FRMD4A: variants seen among roughly 807,000 people sequenced by gnomAD.
FRMD4A encodes FERM domain containing 4A, also known as FERM domain-containing protein 4A.
FRMD4A carries 29 observed loss-of-function variants against 129.1 expected under a neutral mutation model. The ratio of observed to expected loss-of-function variants is 0.22; its 90% confidence interval spans 0.17 to 0.31. The LOEUF (loss-of-function observed/expected upper bound fraction) is 0.31. Among genes scored for constraint, FRMD4A ranks in the 10% least tolerant of loss-of-function variants. The probability of loss-of-function intolerance (pLI) is 1.00; values close to 1 mark genes in which losing one functional copy is unlikely to be tolerated. For missense variants in FRMD4A, 1,272 were observed against 1,375.8 expected, an observed-to-expected ratio of 0.92 and a Z score of 1.19; for synonymous variants, 634 against 571.6, an observed-to-expected ratio of 1.11 and a Z score of -1.56.
At chr10:13,982,082 A>G (rs780286935) in intron 2 of FRMD4A, among the ~76,000 whole-genome samples, 4 of 152,218 alleles carry the variant, frequency 2.6e-5, no homozygotes, top group Non-Finnish European at 5.9e-5. Context: ...CTCTTCCCCA[A>G]GGTGGTTTCT....
At chr10:14,250,806 G>T (rs1273490390) in intron 2 of FRMD4A, among the ~76,000 whole-genome samples, 1 of 152,180 alleles carries the variant, frequency 6.6e-6, no homozygotes, top group East Asian at 1.9e-4. Flanking sequence ...GCAGTCTCAG[G>T]GGGAGGCCCA....
At chr10:13,804,264 T>G (rs2093317564) in intron 4 of FRMD4A, among the ~76,000 whole-genome samples, 1 of 152,200 alleles carries the variant, frequency 6.6e-6, no homozygotes, top group African/African-American at 2.4e-5. Flanking sequence ...TCCAAATAAA[T>G]TGCTTTCCCA....
At chr10:13,970,295 C>T (rs11258761) in intron 2 of FRMD4A, among the ~76,000 whole-genome samples, 12,464 of 152,078 alleles carry the variant, frequency 0.082, 682 homozygotes, top group South Asian at 0.13. Flanking sequence ...GTCTACCCCC[C>T]GCCTGCCCAG....
At chr10:14,063,314 G>C (rs1834903993) in intron 2 of FRMD4A, among the ~76,000 whole-genome samples, 2 of 152,082 alleles carry the variant, frequency 1.3e-5, no homozygotes, top group Admixed American at 1.3e-4. Context: ...CTCTTCAAAA[G>C]AGGCAAGATT....
At chr10:13,684,376 C>A (rs1390813277) in intron 15 of FRMD4A, 1 of 984,924 alleles carries the variant, frequency 1.0e-6, no homozygotes, top group Admixed American at 6.2e-5. Flanking sequence ...GTGAACTTCC[C>A]GATGCTATGA....
intron 2 of FRMD4A, among the ~76,000 whole-genome samples, chr10:14,197,019 A>G (rs1045737147): frequency 6.6e-6 from 1 of 152,184 alleles, no homozygotes; most frequent in Non-Finnish European, 1.5e-5. Context: ...TAGAATTGCT[A>G]TCACTGTTCT....
chr10:14,120,634 G>A (rs1488339813), intron 2 of FRMD4A, among the ~76,000 whole-genome samples: 2 of 152,182 alleles, frequency 1.3e-5, no homozygotes, highest in Admixed American at 6.5e-5. Flanking sequence ...TTCTTCCTGA[G>A]CATGCATTTT....
intron 2 of FRMD4A, among the ~76,000 whole-genome samples, chr10:14,197,839 A>T (rs966944706): frequency 6.6e-6 from 1 of 152,236 alleles, no homozygotes; most frequent in Non-Finnish European, 1.5e-5. Flanking sequence ...CACATCATCT[A>T]TGCAACCCTT....
chr10:13,845,309 G>A (rs532390528), intron 3 of FRMD4A, among the ~76,000 whole-genome samples: 1 of 152,284 alleles, frequency 6.6e-6, no homozygotes, highest in African/African-American at 2.4e-5. Flanking sequence ...AATCACCAGT[G>A]TTCATGAAAA....
chr10:14,234,829 C>T (rs1347084250), intron 2 of FRMD4A, among the ~76,000 whole-genome samples: 1 of 152,226 alleles, frequency 6.6e-6, no homozygotes, highest in Non-Finnish European at 1.5e-5. Context: ...CTCATGGTCC[C>T]ACCTCTACTA....
chr10:14,171,659 C>T (rs1841482948), intron 2 of FRMD4A, among the ~76,000 whole-genome samples: 1 of 152,192 alleles, frequency 6.6e-6, no homozygotes, highest in African/African-American at 2.4e-5. Context: ...GATAAAAATG[C>T]ATTAAGCACC....
intron 3 of FRMD4A, among the ~76,000 whole-genome samples, chr10:13,840,583 G>A (rs977943418): frequency 2.1e-5 from 3 of 144,170 alleles, no homozygotes; most frequent in Admixed American, 7.0e-5. Context: ...GAGGTCAGGA[G>A]TTCAAAACCA....
intron 2 of FRMD4A, among the ~76,000 whole-genome samples, chr10:14,319,370 C>T (rs1846886900): frequency 6.6e-6 from 1 of 151,618 alleles, no homozygotes; most frequent in Admixed American, 6.6e-5. Flanking sequence ...CTCTCTCTCA[C>T]ACACACACAC....
At chr10:13,984,632 T>C (rs2095574505) in intron 2 of FRMD4A, among the ~76,000 whole-genome samples, 1 of 152,226 alleles carries the variant, frequency 6.6e-6, no homozygotes, top group Non-Finnish European at 1.5e-5. Flanking sequence ...ACATATTATT[T>C]GTTTTTTTGT....
At chr10:13,998,217 G>A (rs2095629795) in intron 2 of FRMD4A, among the ~76,000 whole-genome samples, 1 of 152,126 alleles carries the variant, frequency 6.6e-6, no homozygotes, top group African/African-American at 2.4e-5. Context: ...CCAATCTCCA[G>A]TGGTATACTG....
intron 6 of FRMD4A, among the ~76,000 whole-genome samples, chr10:13,762,934 C>T (rs1036692821): frequency 2.6e-5 from 4 of 152,090 alleles, no homozygotes; most frequent in Admixed American, 2.0e-4. Context: ...GTGATAGTAC[C>T]ACCGCACTCC....
intron 6 of FRMD4A, among the ~76,000 whole-genome samples, chr10:13,769,054 G>A (rs1374611475): frequency 3.6e-5 from 5 of 137,936 alleles, no homozygotes; most frequent in African/African-American, 8.2e-5. Flanking sequence ...GTAGTGGCGC[G>A]ATTTCGGCTC....
Position 14,317,509 on chromosome 10 carries a change from CTGTT to C in FRMD4A, c.45+12545_45+12548del, listed in dbSNP as rs1477940637. 2.0e-5 allele frequency among the ~76,000 whole-genome samples: 3 copies of C among 152,162 alleles called. No homozygotes were observed. The East Asian group carries it at 5.8e-4, about 29-fold the overall frequency. On this transcript the variant is annotated intron_variant, in intron 2 of 24. Coordinates refer to ENST00000357447, the MANE Select transcript of FRMD4A (RefSeq NM_018027.5). ...TCACATTTATCTCACTGTGTTGCAA[CTGTT>C]TGTTTATTGGCCTTTCCAACTAAAC...
chr10:13,836,537 C>T (rs548466866), intron 3 of FRMD4A, among the ~76,000 whole-genome samples: 9 of 152,234 alleles, frequency 5.9e-5, no homozygotes, highest in Middle Eastern at 3.4e-3. Flanking sequence ...CCACCCGTTA[C>T]CCCTAGTAGA....
Sources: allele counts gnomAD v4.1 joint callset (sites outside exome capture counted in the v4.1 genomes callset), GRCh38; gene constraint gnomAD v4.1.1; transcripts MANE v1.5; gene names NCBI Gene and HGNC (gene_info 2026-07-23, HGNC 2026-07-21).